Variants in DHRS4L2 observed in about 807,000 individuals in gnomAD.
The protein encoded by DHRS4L2 is dehydrogenase/reductase 4 like 2, also known as dehydrogenase/reductase SDR family member 4-like 2.
A neutral mutation model predicts 23.9 loss-of-function variants in DHRS4L2; 22 were observed. That is an observed-to-expected ratio of 0.92 (90% CI 0.66 to 1.31). The LOEUF (loss-of-function observed/expected upper bound fraction) is 1.31, where lower values mean the gene tolerates loss of function less well. Among genes scored for constraint, DHRS4L2 ranks in the 40% most tolerant of loss-of-function variants. The pLI, the probability that DHRS4L2 is intolerant of heterozygous loss-of-function variation, is 0.00. For missense variants in DHRS4L2, 385 were observed against 303.3 expected, an observed-to-expected ratio of 1.27 and a Z score of -2.00; for synonymous variants, 141 against 123.7, an observed-to-expected ratio of 1.14 and a Z score of -0.93.
chr14:24,005,766 A>C (rs1335072685), intron 7 of DHRS4L2, 120 bp from the exon 8 acceptor site: 8 of 1,538,124 alleles, frequency 5.2e-6, no homozygotes, highest in Non-Finnish European at 6.2e-6. Context: ...AAGCTTGTAC[A>C]CTGATCCTGA....
At chr14:23,974,781 C>T (rs1362517275) in intron 1 of DHRS4L2, among the ~76,000 whole-genome samples, 1 of 151,778 alleles carries the variant, frequency 6.6e-6, no homozygotes, top group Non-Finnish European at 1.5e-5. Flanking sequence ...CAAAAAAGTC[C>T]AGGACCAGAT....
intron 3 of DHRS4L2, 81 bp downstream of exon 3, chr14:23,995,214 C>G (rs75291130): frequency 0.035 from 49,241 of 1,393,542 alleles, 1,014 homozygotes; most frequent in Non-Finnish European, 0.042. Context: ...GAATGCATTT[C>G]TCAAGGGCAG....
rs747346566 is a variant in DHRS4L2, at chr14:23,989,024, G to T, written c.77G>T (p.Arg26Leu). Residue 26 changes from arginine (R) to leucine (L), a missense_variant, in exon 1 of 8, where the codon CGC (arginine) becomes CTC (leucine). Arg to Leu is a moderately radical substitution (Grantham distance 102). Coordinates refer to ENST00000335125, the MANE Select transcript of DHRS4L2 (RefSeq NM_198083.4). ...SVRMASSRMT[R>L]RDPLTNKVAL... ...CGGATGGCCAGCTCCAGGATGACCC[G>T]CCGGGACCCGCTCACAAATAAGGTG... The T allele has an allele frequency of 6.2e-7, 1 of 1,604,616 alleles. No homozygotes were observed.
rs117088686 is a variant in DHRS4L2 at position 23,976,952 on chromosome 14, T to C, written c.-176+6620T>C. 5.5e-3 allele frequency among the ~76,000 whole-genome samples: 831 copies of C among 150,692 alleles called. 25 individuals are homozygous for C. Among genetic ancestry groups the C allele is most frequent in the East Asian group, 0.024 (120 of 4,992 alleles). On this transcript the variant is annotated intron_variant, in intron 1 of 5. Coordinates refer to the DHRS4L2 transcript ENST00000534993. ...GGGATCATCACACACCAGGGTCTGTTGGGGGCTGGGGGGCTGGGAGAGGGA... is the reference window on the plus strand; with the variant it reads ...GGGATCATCACACACCAGGGTCTGTCGGGGGCTGGGGGGCTGGGAGAGGGA...
chr14:24,005,843 C>T, intron 7 of DHRS4L2, 43 bp from the exon 8 acceptor site: 3 of 1,608,900 alleles, frequency 1.9e-6, no homozygotes, highest in East Asian at 2.2e-5. Context: ...GGAGGCAGAC[C>T]CGTTTGATTT....
rs71426825 is a variant in DHRS4L2, at chr14:23,999,344, TAAAAAAA to T, written c.409-1495_409-1489del. 5.0e-3 allele frequency among the ~76,000 whole-genome samples: 267 copies of T among 53,670 alleles called. 1 individual carries two copies. Among genetic ancestry groups the T allele is most frequent in the African/African-American group, 0.011 (239 of 22,726 alleles). The allele number at this position is 53,670 out of a possible 152,430, so 35.2% of individuals were successfully genotyped here. A position where few individuals can be genotyped will look rare whatever the true frequency, so the allele number is the denominator to read the frequency against. ...AGGGTTGCCACGAAACTCCAATTTG[TAAAAAAA>T]AAAAAAAAAAAAAAAAAAAAAAACA... On this transcript the variant is annotated intron_variant, in intron 3 of 7. Coordinates refer to ENST00000335125, the MANE Select transcript of DHRS4L2 (RefSeq NM_198083.4).
chr14:23,992,117 TAAG>T (rs1215980069), intron 2 of DHRS4L2, among the ~76,000 whole-genome samples: 1 of 151,532 alleles, frequency 6.6e-6, no homozygotes, highest in African/African-American at 2.4e-5. Context: ...TTGCAGCAAA[TAAG>T]AAGCCATGTG....
Position 23,988,958 on chromosome 14 carries a change from C to T in DHRS4L2, c.11C>T (p.Ala4Val), listed in dbSNP as rs2034206208. The change falls in exon 1 of 8, where the codon GCC becomes GTC. Residue 4 changes from alanine (A) to valine (V), a missense_variant. By Grantham distance (64) the Ala-to-Val change is moderately conservative. Coordinates refer to ENST00000335125, the MANE Select transcript of DHRS4L2 (RefSeq NM_198083.4). MQM[A>V]RLLGLCAWAR... ...TTGCTGGTCTGATCCATGCAGATGG[C>T]CAGGCTGCTAGGCCTCTGTGCCTGG... 1.2e-6 allele frequency: 2 copies of T among 1,611,960 alleles called. No individual in the cohort carries two copies. The highest frequency in any genetic ancestry group is 1.3e-5 in the African/African-American group (1 of 74,838).
chr14:23,990,477 C>T, intron 2 of DHRS4L2, 118 bp downstream of exon 2: 15 of 1,390,500 alleles, frequency 1.1e-5, no homozygotes, highest in South Asian at 4.6e-5. Context: ...CTATTATGTC[C>T]ATATACTAAC....
intron 6 of DHRS4L2, 151 bp from the exon 7 acceptor site, chr14:24,004,186 C>T: frequency 3.2e-6 from 3 of 941,250 alleles, no homozygotes; most frequent in Non-Finnish European, 4.6e-6. Context: ...AGGAGAATGG[C>T]ATAACCCGGG....
At chr14:23,977,740 C>CG (rs1305506618) in intron 1 of DHRS4L2, among the ~76,000 whole-genome samples, 2 of 151,404 alleles carry the variant, frequency 1.3e-5, no homozygotes, top group African/African-American at 4.9e-5. Flanking sequence ...GGAAAAAAAC[C>CG]TCTGGCCTTC....
chr14:23,977,589 C>T (rs544328516), intron 1 of DHRS4L2, among the ~76,000 whole-genome samples: 136 of 151,758 alleles, frequency 9.0e-4, no homozygotes, highest in Middle Eastern at 3.4e-3. Context: ...TGTGGGAACC[C>T]CCAAAATCAC....
chr14:23,992,638 C>A (rs1434058357), intron 2 of DHRS4L2, among the ~76,000 whole-genome samples: 2 of 151,306 alleles, frequency 1.3e-5, no homozygotes, highest in South Asian at 4.2e-4. Flanking sequence ...CAGCTCCTAA[C>A]CGCTTTAGTG....
rs556829028 is a variant in DHRS4L2 at position 23,990,902 on chromosome 14, A to C, written c.306+543A>C. ...AAGGTCCCACAGCCAGTAAGGAAAG[A>C]CCCAGACCTCCCAAGCTCCCTTCCT... is the stretch of plus-strand genomic sequence containing the variant. On this transcript the variant is annotated intron_variant, in intron 2 of 7. Coordinates refer to ENST00000335125, the MANE Select transcript of DHRS4L2 (RefSeq NM_198083.4). 6.5e-5 allele frequency: 53 copies of C among 818,034 alleles called. 1 individual carries two copies. The African/African-American group carries it at 9.3e-4, about 14-fold the overall frequency. The allele number at this position is 818,034 out of a possible 1,614,324, so 50.7% of individuals were successfully genotyped here. A position where few individuals can be genotyped will look rare whatever the true frequency, so the allele number is the denominator to read the frequency against.
upstream of DHRS4L2, among the ~76,000 whole-genome samples, chr14:23,988,260 C>G (rs1359036528): frequency 6.7e-6 from 1 of 149,646 alleles, no homozygotes; most frequent in Admixed American, 6.7e-5. Context: ...CCAGCCTCCT[C>G]GCTACCACTT....
At chr14:23,973,404 A>G (rs75374993) in intron 1 of DHRS4L2, among the ~76,000 whole-genome samples, 11,758 of 151,922 alleles carry the variant, frequency 0.077, 707 homozygotes, top group East Asian at 0.23. Flanking sequence ...AGCCAGCTCC[A>G]GTCTCAGCCA....
At chr14:23,996,618 T>C (rs1009940130) in intron 3 of DHRS4L2, among the ~76,000 whole-genome samples, 1 of 150,518 alleles carries the variant, frequency 6.6e-6, no homozygotes, top group African/African-American at 2.4e-5. Context: ...TTTCTTTCTT[T>C]TTTTAGACAG....
chr14:23,970,357 G>A (rs746863415), intron 1 of DHRS4L2: 1 of 412,238 alleles, frequency 2.4e-6, no homozygotes, highest in Non-Finnish European at 4.8e-6. Flanking sequence ...GCGGTGGGGG[G>A]CGGGGGGCCG....
rs774378609 is a variant in DHRS4L2 at position 24,004,330 on chromosome 14, C to T, written c.666-7C>T. 6.2e-7 allele frequency: 1 copy of T among 1,600,456 alleles called. No homozygotes were observed. The highest frequency in any genetic ancestry group is 1.1e-5 in the South Asian group (1 of 89,796). On this transcript the variant is annotated splice_polypyrimidine_tract_variant and splice_region_variant and intron_variant, in intron 6 of 7. Transcript: ENST00000335125. Reference sequence around the variant, plus strand: ...AAAACATAAAGAGATTTCCCTTCTTCCTACAGCTCTGGATGGACAAGGAAA... The same window carrying T: ...AAAACATAAAGAGATTTCCCTTCTTTCTACAGCTCTGGATGGACAAGGAAA...
Sources: allele counts gnomAD v4.1 joint callset (sites outside exome capture counted in the v4.1 genomes callset), GRCh38; gene constraint gnomAD v4.1.1; transcripts MANE v1.5; gene names NCBI Gene and HGNC (gene_info 2026-07-23, HGNC 2026-07-21).